Variants in OTULIN observed in about 807,000 individuals in gnomAD.
OTULIN encodes the protein OTU deubiquitinase with linear linkage specificity, also known as ubiquitin thioesterase otulin.
Under a neutral mutation model 39.6 loss-of-function variants are expected in OTULIN, and 15 were observed. The observed-to-expected ratio is 0.38, with a 90% CI of 0.25 to 0.58. The LOEUF is 0.58. Ranked by LOEUF, OTULIN falls within the 20% of genes least tolerant of loss-of-function variation. The pLI is 0.66. For missense variants in OTULIN, 319 were observed against 445.9 expected, an observed-to-expected ratio of 0.72 and a Z score of 2.56; for synonymous variants, 156 against 170.3, an observed-to-expected ratio of 0.92 and a Z score of 0.65.
At chr5:14,681,067 A>AG (rs1372878327) in intron 3 of OTULIN, among the ~76,000 whole-genome samples, 1 of 152,224 alleles carries the variant, frequency 6.6e-6, no homozygotes, top group East Asian at 1.9e-4. Context: ...TCTCAAAAAA[A>AG]GAAGCCTAAC....
the OTULIN span, chr5:14,711,361 C>T: frequency 1.3e-6 from 2 of 1,489,402 alleles, no homozygotes; most frequent in Admixed American, 1.7e-5. Flanking sequence ...GGACACTGCA[C>T]AGCAGAACCA....
intron 1 of OTULIN, among the ~76,000 whole-genome samples, chr5:14,672,601 C>T (rs1050439272): frequency 2.0e-5 from 3 of 152,004 alleles, no homozygotes; most frequent in Non-Finnish European, 4.4e-5. Context: ...TATGGGGAAT[C>T]GGGGGTCTGA....
rs1410472925 is a variant in OTULIN, at chr5:14,696,579, T to A, written c.*3531T>A. The A allele has an allele frequency of 6.6e-6, 1 of 152,168 alleles. No homozygotes were observed. Among genetic ancestry groups the A allele is most frequent in the Non-Finnish European group, 1.5e-5 (1 of 68,032 alleles). The allele number at this position is 152,168 out of a possible 1,614,324, so 9.4% of individuals were successfully genotyped here. A position where few individuals can be genotyped will look rare whatever the true frequency, so the allele number is the denominator to read the frequency against. On this transcript the variant is annotated 3_prime_UTR_variant, in exon 7 of 7. Coordinates refer to ENST00000284274, the MANE Select transcript of OTULIN (RefSeq NM_138348.6). Reference sequence around the variant, plus strand: ...AATTTAAAAATGGTCCAAGGAACTGTAAGAAGGAGGAACTAATTCTAGAAT... The same window carrying A: ...AATTTAAAAATGGTCCAAGGAACTGAAAGAAGGAGGAACTAATTCTAGAAT...
intron 3 of OTULIN, among the ~76,000 whole-genome samples, chr5:14,679,949 AG>A (rs1736204463): frequency 6.6e-6 from 1 of 152,240 alleles, no homozygotes; most frequent in Non-Finnish European, 1.5e-5. Context: ...CTAGCCCATC[AG>A]GACCCATGGC....
intron 4 of OTULIN, among the ~76,000 whole-genome samples, 190 bp from the exon 5 acceptor site, chr5:14,687,331 G>A (rs937489378): frequency 1.3e-5 from 2 of 152,170 alleles, no homozygotes; most frequent in African/African-American, 4.8e-5. Flanking sequence ...CCTCCTCAGG[G>A]TGGTACTTTC....
intron 4 of OTULIN, among the ~76,000 whole-genome samples, chr5:14,682,082 C>T (rs921418701): frequency 6.6e-6 from 1 of 152,222 alleles, no homozygotes; most frequent in African/African-American, 2.4e-5. Context: ...GAGGGGCTTC[C>T]TGAGGAGCTG....
At chr5:14,691,434 G>C (rs1736523295) in intron 6 of OTULIN, among the ~76,000 whole-genome samples, 1 of 152,156 alleles carries the variant, frequency 6.6e-6, no homozygotes. Flanking sequence ...GCTGATGATA[G>C]TTATTTTCAA....
chr5:14,679,394 A>G (rs988113516), intron 3 of OTULIN, among the ~76,000 whole-genome samples: 3 of 152,200 alleles, frequency 2.0e-5, no homozygotes, highest in African/African-American at 4.8e-5. Context: ...CTCTACCCTC[A>G]GATGTATACC....
intron 4 of OTULIN, among the ~76,000 whole-genome samples, chr5:14,683,347 C>G (rs1401799834): frequency 6.6e-6 from 1 of 152,130 alleles, no homozygotes; most frequent in Non-Finnish European, 1.5e-5. Flanking sequence ...TCAGTATTAG[C>G]TTATTTCTTT....
chr5:14,704,127 C>T (rs1224911054), downstream of OTULIN, among the ~76,000 whole-genome samples: 1 of 151,854 alleles, frequency 6.6e-6, no homozygotes, highest in Non-Finnish European at 1.5e-5. Flanking sequence ...GTCAGGAGAT[C>T]AAGACCATCC....
At chr5:14,692,827 A>G in intron 6 of OTULIN, 27 bp from the exon 7 acceptor site, 3 of 1,606,422 alleles carry the variant, frequency 1.9e-6, no homozygotes, top group South Asian at 2.2e-5. Context: ...GATCTTCCTC[A>G]GAATACCCGT....
downstream of OTULIN, among the ~76,000 whole-genome samples, chr5:14,704,271 A>G (rs1168240349): frequency 6.9e-6 from 1 of 145,742 alleles, no homozygotes; most frequent in African/African-American, 2.6e-5. Context: ...CAGAGGTTGC[A>G]ATGAGCCGAG....
the OTULIN span, chr5:14,709,094 A>G: frequency 6.6e-6 from 1 of 152,102 alleles, no homozygotes; most frequent in Non-Finnish European, 1.5e-5. Flanking sequence ...GGGTTTTGCC[A>G]TGTTGGCCAG....
chr5:14,688,142 G>A (rs1372487282), intron 5 of OTULIN, among the ~76,000 whole-genome samples: 1 of 152,192 alleles, frequency 6.6e-6, no homozygotes, highest in Non-Finnish European at 1.5e-5. Context: ...ATTGTAGGGA[G>A]AACTTGGTCT....
chr5:14,699,378 G>A lies in OTULIN; in HGVS notation c.*6330G>A, dbSNP rs1736750238. 1.3e-5 allele frequency: 2 copies of A among 152,178 alleles called. No homozygotes were observed. Among genetic ancestry groups the A allele is most frequent in the South Asian group, 4.1e-4 (2 of 4,830 alleles). 9.4% of individuals were successfully genotyped at this position (152,178 alleles called of 1,614,324 possible). On this transcript the variant is annotated 3_prime_UTR_variant, in exon 7 of 7. Coordinates refer to ENST00000284274, the MANE Select transcript of OTULIN (RefSeq NM_138348.6). ...TCTTGCAAGATGGAGCTGGGCTTCTGAAGAACCCAGTGGGTAGGTACTGGG... is the reference window on the plus strand; with the variant it reads ...TCTTGCAAGATGGAGCTGGGCTTCTAAAGAACCCAGTGGGTAGGTACTGGG...
At position 14,697,938 on chromosome 5, in the gene OTULIN, A is replaced by C. The variant is rs1736714241; in HGVS notation, c.*4890A>C. Reference sequence around the variant, plus strand: ...TTTATACTTAATTTTAGGAGTTTTCATTTACATATTGAAAAATGCCTTGAC... The same window carrying C: ...TTTATACTTAATTTTAGGAGTTTTCCTTTACATATTGAAAAATGCCTTGAC... On this transcript the variant is annotated 3_prime_UTR_variant, in exon 7 of 7. Transcript: ENST00000284274. The C allele has an allele frequency of 6.6e-6, 1 of 152,208 alleles. No homozygotes were observed. Among genetic ancestry groups the C allele is most frequent in the Non-Finnish European group, 1.5e-5 (1 of 68,032 alleles). The allele number at this position is 152,208 out of a possible 1,614,324, so 9.4% of individuals were successfully genotyped here.
chr5:14,707,673 T>G, the OTULIN span: 1 of 152,154 alleles, frequency 6.6e-6, no homozygotes. Flanking sequence ...CCCAAGGTTA[T>G]TTATTGGGAA....
intron 1 of OTULIN, among the ~76,000 whole-genome samples, chr5:14,668,697 C>A (rs1353987665): frequency 6.6e-6 from 1 of 152,190 alleles, no homozygotes; most frequent in Non-Finnish European, 1.5e-5. Flanking sequence ...CTAAGGGGAA[C>A]AACTTTTAAA....
the OTULIN span, among the ~76,000 whole-genome samples, chr5:14,714,824 G>C: frequency 1.3e-5 from 2 of 152,226 alleles, no homozygotes; most frequent in African/African-American, 4.8e-5. Flanking sequence ...CAAATGGACA[G>C]TAAAGGTGAA....
Sources: gnomAD v4.1 joint callset for allele counts (sites outside exome capture counted in the v4.1 genomes callset) on GRCh38, gnomAD v4.1.1 for gene constraint, MANE v1.5 for transcripts, NCBI Gene and HGNC (gene_info 2026-07-23, HGNC 2026-07-21) for gene names.